ROCK1: variants seen among roughly 807,000 people sequenced by gnomAD.
The protein encoded by ROCK1 is Rho associated coiled-coil containing protein kinase 1, also known as rho-associated protein kinase 1.
Under a neutral mutation model 196.8 loss-of-function variants are expected in ROCK1, and 36 were observed. The ratio of observed to expected loss-of-function variants is 0.18; its 90% CI spans 0.14 to 0.24. ROCK1 has a LOEUF of 0.24. Among genes scored for constraint, ROCK1 ranks in the 10% least tolerant of loss-of-function variants. The pLI, the probability that ROCK1 is intolerant of heterozygous loss-of-function variation, is 1.00. For missense variants in ROCK1, 920 were observed against 1,562.0 expected (o/e 0.59, Z 6.93); for synonymous variants, 443 against 515.9 (o/e 0.86, Z 1.91).
At chr18:20,962,692 A>T (rs2035338277) in intron 27 of ROCK1, among the ~76,000 whole-genome samples, 1 of 152,182 alleles carries the variant, frequency 6.6e-6, no homozygotes, top group South Asian at 2.1e-4. Flanking sequence ...TTTAAATTAA[A>T]TGAAGAGGGT....
At chr18:21,078,816 C>T (rs1368142253) in intron 1 of ROCK1, among the ~76,000 whole-genome samples, 1 of 152,174 alleles carries the variant, frequency 6.6e-6, no homozygotes, top group Non-Finnish European at 1.5e-5. Flanking sequence ...TACTTCCTCT[C>T]CTTTTCTCGG....
chr18:21,055,797 T>C (rs2036241138), intron 2 of ROCK1, among the ~76,000 whole-genome samples: 1 of 152,226 alleles, frequency 6.6e-6, no homozygotes, highest in Admixed American at 6.5e-5. Context: ...TTCTCAAAAG[T>C]TGTCTATAAT....
intron 19 of ROCK1, among the ~76,000 whole-genome samples, chr18:20,984,804 T>C (rs1017723679): frequency 3.3e-5 from 5 of 152,054 alleles, no homozygotes; most frequent in African/African-American, 9.7e-5. Flanking sequence ...AATTCTGTAG[T>C]ACAAGGTGAT....
Position 20,948,163 on chromosome 18 carries a change from C to G in ROCK1, c.*3221G>C, listed in dbSNP as rs2035147755. The G allele has an allele frequency of 6.6e-6, 1 of 152,076 alleles. No homozygotes were observed. The highest frequency in any genetic ancestry group is 1.5e-5 in the Non-Finnish European group (1 of 68,026). The allele number at this position is 152,076 out of a possible 1,614,324, so 9.4% of individuals were successfully genotyped here. On this transcript the variant is annotated 3_prime_UTR_variant, in exon 33 of 33. Transcript: ENST00000399799. The stretch of plus-strand genomic sequence containing the variant: ...ATGCAAAAGGCCAAGAATAGCCAAG[C>G]CAATTGGGAGGGATTACAAAGTTGG...
intron 1 of ROCK1, among the ~76,000 whole-genome samples, chr18:21,088,129 C>A (rs1176113150): frequency 1.3e-5 from 2 of 152,172 alleles, no homozygotes; most frequent in African/African-American, 4.8e-5. Context: ...AATGAGAACA[C>A]AACACTGGAA....
At chr18:20,993,986 G>A (rs2035648983) in intron 16 of ROCK1, among the ~76,000 whole-genome samples, 1 of 152,148 alleles carries the variant, frequency 6.6e-6, no homozygotes, top group Non-Finnish European at 1.5e-5. Flanking sequence ...TACTGTACTT[G>A]TCCCACTCTC....
rs546570637 is a variant in ROCK1 at position 20,971,911 on chromosome 18, T to C, written c.2655-1398A>G. 5.9e-5 allele frequency among the ~76,000 whole-genome samples: 9 copies of C among 152,178 alleles called. No homozygotes were observed. The East Asian group carries it at 1.7e-3, about 29-fold the overall frequency. On this transcript the variant is annotated intron_variant, in intron 22 of 32. Coordinates refer to ENST00000399799, the MANE Select transcript of ROCK1 (RefSeq NM_005406.3). ...GGAGGCCTCTCTGCTAAGACAACAGTAGAAGAAAAGTAGGGGGAAGAGAAC... is the reference window on the plus strand; with the variant it reads ...GGAGGCCTCTCTGCTAAGACAACAGCAGAAGAAAAGTAGGGGGAAGAGAAC...
rs1169494171 is a variant in ROCK1 at position 21,079,996 on chromosome 18, G to A, written c.94-9383C>T. ...TAAAATACACTCCAGGGGAGTGCAT[G>A]TTGAAGACGATCTGTTACCCATCTA... On this transcript the variant is annotated intron_variant, in intron 1 of 32. Transcript: ENST00000399799. Among the ~76,000 whole-genome samples, 5 of 152,302 alleles carry A rather than the reference G, an allele frequency of 3.3e-5. No homozygotes were observed. In the South Asian group the frequency reaches 8.3e-4, roughly 25 times the overall value.
At position 21,111,313 on chromosome 18, in the gene ROCK1, C is replaced by T. The variant is rs1168878523; in HGVS notation, c.-403G>A. The T allele has an allele frequency of 2.2e-6, 1 of 452,394 alleles. No individual in the cohort carries two copies. Among genetic ancestry groups the T allele is most frequent in the African/African-American group, 2.0e-5 (1 of 48,932 alleles). The allele number at this position is 452,394 out of a possible 1,614,324, so 28.0% of individuals were successfully genotyped here. A position where few individuals can be genotyped will look rare whatever the true frequency, so the allele number is the denominator to read the frequency against. On this transcript the variant is annotated 5_prime_UTR_variant, in exon 1 of 33. Coordinates refer to ENST00000399799, the MANE Select transcript of ROCK1 (RefSeq NM_005406.3). This position sits in a 1 kb window ranked among gnomAD's most constrained non-coding sequence, Gnocchi z 4.2. The stretch of plus-strand genomic sequence containing the variant: ...AAGCAGGGTGGAGACTCCCTCCGGG[C>T]AACAAGGGAGGGAGAAGAGGAAAGG...
At chr18:21,054,859 A>C (rs1474382576) in intron 2 of ROCK1, among the ~76,000 whole-genome samples, 1 of 152,046 alleles carries the variant, frequency 6.6e-6, no homozygotes, top group African/African-American at 2.4e-5. Flanking sequence ...TCATAATTAT[A>C]ATCTTCCAAC....
At chr18:21,037,471 G>A (rs1280310852) in intron 9 of ROCK1, among the ~76,000 whole-genome samples, 1 of 152,152 alleles carries the variant, frequency 6.6e-6, no homozygotes, top group South Asian at 2.1e-4. Context: ...GCAGGTCAAA[G>A]AGGTCAGTTC....
At chr18:21,067,557 T>C (rs894143540) in intron 2 of ROCK1, among the ~76,000 whole-genome samples, 2 of 152,044 alleles carry the variant, frequency 1.3e-5, no homozygotes, top group African/African-American at 4.8e-5. Flanking sequence ...CTGCTAATTT[T>C]TGCATTTTTA....
At chr18:20,959,085 TTTTATATAATATA>T (rs1352078782) in intron 29 of ROCK1, among the ~76,000 whole-genome samples, 2 of 33,750 alleles carry the variant, frequency 5.9e-5, no homozygotes, top group Non-Finnish European at 8.7e-5. Flanking sequence ...AATATATATA[TTTTATATAATATA>T]TATATTATAT....
intron 1 of ROCK1, among the ~76,000 whole-genome samples, chr18:21,108,224 T>G (rs747791830): frequency 6.6e-6 from 1 of 152,206 alleles, no homozygotes; most frequent in Admixed American, 6.5e-5. Flanking sequence ...CTATTCTCTT[T>G]AACAAAATGT....
intron 2 of ROCK1, among the ~76,000 whole-genome samples, chr18:21,061,326 C>G (rs952023244): frequency 2.6e-5 from 4 of 152,000 alleles, no homozygotes; most frequent in Admixed American, 6.6e-5. Flanking sequence ...GTGATCTGCC[C>G]GCTTCAGCCT....
intron 2 of ROCK1, among the ~76,000 whole-genome samples, chr18:21,066,276 GT>G (rs1347560318): frequency 6.6e-6 from 1 of 151,964 alleles, no homozygotes; most frequent in Non-Finnish European, 1.5e-5. Flanking sequence ...CTTATAACAT[GT>G]TTATTCACCT....
chr18:21,074,389 A>G (rs1348967984), intron 1 of ROCK1, among the ~76,000 whole-genome samples: 1 of 152,202 alleles, frequency 6.6e-6, no homozygotes, highest in Non-Finnish European at 1.5e-5. Flanking sequence ...TATCTAGTAC[A>G]ACAAACAATG....
At chr18:21,005,115 G>C (rs1287400700) in intron 16 of ROCK1, among the ~76,000 whole-genome samples, 2 of 152,192 alleles carry the variant, frequency 1.3e-5, no homozygotes, top group Non-Finnish European at 2.9e-5. Flanking sequence ...AGGTAGTATG[G>C]ATGCTGCTGC....
At chr18:21,096,843 C>A (rs543429413) in intron 1 of ROCK1, among the ~76,000 whole-genome samples, 4 of 152,244 alleles carry the variant, frequency 2.6e-5, no homozygotes, top group African/African-American at 9.6e-5. Context: ...TATGCTTAGC[C>A]CTCAAGGAAT....
Sources: gnomAD v4.1 joint callset for allele counts (sites outside exome capture counted in the v4.1 genomes callset) on GRCh38, gnomAD v4.1.1 for gene constraint, Gnocchi (gnomAD v3.1) non-coding constraint, MANE v1.5 for transcripts, NCBI Gene and HGNC (gene_info 2026-07-23, HGNC 2026-07-21) for gene names.